SLC34A3: variants seen among roughly 807,000 people sequenced by gnomAD.
The protein encoded by SLC34A3 is sodium-dependent phosphate transport protein 2C.
A neutral mutation model predicts 43.9 loss-of-function variants in SLC34A3; 60 were observed. The ratio of observed to expected loss-of-function variants is 1.37; its 90% CI spans 1.11 to 1.70. The LOEUF is 1.70. Ranked by LOEUF, SLC34A3 falls within the 40% of genes most tolerant of loss-of-function variation. The probability of loss-of-function intolerance (pLI) is 0.00; values close to 1 mark genes in which losing one functional copy is unlikely to be tolerated. For missense variants in SLC34A3, 969 were observed against 823.8 expected, an observed-to-expected ratio of 1.18 and a Z score of -2.16; for synonymous variants, 451 against 386.2, an observed-to-expected ratio of 1.17 and a Z score of -1.97.
chr9:137,230,294 G>T (rs1336329775), upstream of SLC34A3, among the ~76,000 whole-genome samples: 1 of 152,154 alleles, frequency 6.6e-6, no homozygotes, highest in African/African-American at 2.4e-5. Flanking sequence ...GGAGGCTGCC[G>T]GCCGCCGTCG....
At chr9:137,231,871 T>C (rs1836239457) in intron 2 of SLC34A3, 84 bp downstream of exon 2, 3 of 1,329,554 alleles carry the variant, frequency 2.3e-6, no homozygotes, top group African/African-American at 2.9e-5. Flanking sequence ...CCAGGTTTCC[T>C]GCGGGCCTCC....
chr9:137,232,955 T>C (rs766019766), intron 5 of SLC34A3, 28 bp downstream of exon 5: 9 of 1,069,936 alleles, frequency 8.4e-6, no homozygotes, highest in Non-Finnish European at 1.2e-5. Flanking sequence ...CCCCGGGTGG[T>C]GGGGGGGGCA....
upstream of SLC34A3, among the ~76,000 whole-genome samples, chr9:137,229,882 C>T (rs549224915): frequency 1.5e-3 from 230 of 152,278 alleles, no homozygotes; most frequent in African/African-American, 5.3e-3. Context: ...CAGTTACCAC[C>T]AAGTCAGTGC....
Position 137,232,693 on chromosome 9 carries a change from G to A in SLC34A3, c.294G>A (p.Gln98=), listed in dbSNP as rs1231653029. 1 of 1,612,946 alleles carries A rather than the reference G, an allele frequency of 6.2e-7. No individual in the cohort carries two copies. Among genetic ancestry groups the A allele is most frequent in the Admixed American group, 1.7e-5 (1 of 60,034 alleles). The change falls in exon 4 of 13, where the codon CAG becomes CAA. Residue 98 remains glutamine (Q), a synonymous_variant. Coordinates refer to ENST00000673835, the MANE Select transcript of SLC34A3 (RefSeq NM_001177316.2). ...CSLDVLSSAF[Q]LLGSKVAGDI... is the part of the protein sequence containing the mutation. ...TGGACGTCCTCAGCTCCGCCTTCCA[G>A]CTGCTGGGCAGTGAGTGACGGGACG... is the stretch of plus-strand genomic sequence containing the variant.
At chr9:137,233,992 C>T in intron 9 of SLC34A3, 51 bp downstream of exon 9, 1 of 1,491,360 alleles carries the variant, frequency 6.7e-7, no homozygotes. Context: ...CTCCCCCTCA[C>T]CGGCCCCTAC....
chr9:137,230,777 C>A (rs1224842997), upstream of SLC34A3: 1 of 152,250 alleles, frequency 6.6e-6, no homozygotes, highest in Non-Finnish European at 1.5e-5. Flanking sequence ...GGCCTAGGGG[C>A]CTTGGGGCCA....
chr9:137,235,134 C>CA (rs879505734), intron 12 of SLC34A3, among the ~76,000 whole-genome samples: 7 of 152,154 alleles, frequency 4.6e-5, no homozygotes, highest in Admixed American at 4.6e-4. Flanking sequence ...GCCCCCATTC[C>CA]ACATCTGCAA....
At chr9:137,235,447 TCCCAGTGC>T (rs1836534097) in intron 12 of SLC34A3, among the ~76,000 whole-genome samples, 1 of 152,104 alleles carries the variant, frequency 6.6e-6, no homozygotes, top group East Asian at 1.9e-4. Flanking sequence ...ACTTAGACCC[TCCCAGTGC>T]AGGGTCCTGC....
At position 137,231,661 on chromosome 9, in the gene SLC34A3, C is replaced by G; in HGVS notation, c.-39-3C>G. The G allele has an allele frequency of 6.5e-7, 1 of 1,528,080 alleles. No homozygotes were observed. Among genetic ancestry groups the G allele is most frequent in the Non-Finnish European group, 9.1e-7 (1 of 1,103,288 alleles). The allele number at this position is 1,528,080 out of a possible 1,614,324, so 94.7% of individuals were successfully genotyped here. ...TCTCTGACACGCGCGTCCCCCCCAG[C>G]AGATCTAGACCTGGGCCTGGGTCTG... On this transcript the variant is annotated splice_polypyrimidine_tract_variant and splice_region_variant and intron_variant, in intron 1 of 12. Coordinates refer to ENST00000673835, the MANE Select transcript of SLC34A3 (RefSeq NM_001177316.2).
chr9:137,233,531 G>A (rs1013061260), intron 7 of SLC34A3, 102 bp from the exon 8 acceptor site: 32 of 1,542,050 alleles, frequency 2.1e-5, no homozygotes, highest in African/African-American at 2.7e-5. Flanking sequence ...GGGAGGAGAG[G>A]GCAGCAGTGG....
chr9:137,231,999 G>A (rs553217372), intron 2 of SLC34A3, 73 bp from the exon 3 acceptor site: 728 of 1,451,094 alleles, frequency 5.0e-4, no homozygotes, highest in Non-Finnish European at 6.3e-4. Flanking sequence ...CCCGTCCTCC[G>A]GCCTGTGCCC....
intron 1 of SLC34A3, among the ~76,000 whole-genome samples, chr9:137,231,460 G>A (rs966831246): frequency 1.3e-5 from 2 of 151,984 alleles, no homozygotes; most frequent in African/African-American, 2.4e-5. Flanking sequence ...ACTGGACTGG[G>A]CTCGCCTGAC....
At chr9:137,233,158 G>GGCCCCCC in intron 6 of SLC34A3, 43 bp downstream of exon 6, 1 of 972,822 alleles carries the variant, frequency 1.0e-6, no homozygotes, top group Non-Finnish European at 1.5e-6. Flanking sequence ...TGCAGTGGCA[G>GGCCCCCC]CCCCAGCCCG....
At chr9:137,233,779 T>TTGGGCGC in intron 8 of SLC34A3, 57 bp downstream of exon 8, 11 of 1,445,792 alleles carry the variant, frequency 7.6e-6, no homozygotes, top group South Asian at 1.2e-5. Context: ...TGCTGAGTCA[T>TTGGGCGC]CCCGCCCCAC....
In SLC34A3 at chr9:137,234,301, T is replaced by C; in HGVS notation, c.1093+25T>C. 2 of 1,607,730 alleles carry C rather than the reference T, an allele frequency of 1.2e-6. No individual in the cohort carries two copies. Among genetic ancestry groups the C allele is most frequent in the Non-Finnish European group, 1.7e-6 (2 of 1,179,126 alleles). On this transcript the variant is annotated intron_variant, in intron 10 of 12. Transcript: ENST00000673835. The surrounding 1 kb of genome is among the most constrained non-coding windows in gnomAD (Gnocchi z 6.9). ...GGTGAGGGCGTGGGAGGAGGTGCGG[T>C]GGCCAGGGCTGACCCAGCATCCCCC... is the stretch of plus-strand genomic sequence containing the variant.
At position 137,234,821 on chromosome 9, in the gene SLC34A3, C is replaced by G. The variant is rs1232118395; in HGVS notation, c.1335+90C>G. 2 of 1,579,328 alleles carry G rather than the reference C, an allele frequency of 1.3e-6. No individual in the cohort carries two copies. Among genetic ancestry groups the G allele is most frequent in the Admixed American group, 1.7e-5 (1 of 59,512 alleles). On this transcript the variant is annotated intron_variant, in intron 12 of 12. Transcript: ENST00000673835. This position sits in a 1 kb window ranked among gnomAD's most constrained non-coding sequence, Gnocchi z 6.9. ...GTGTCACCAGCCCCGGGGCCCTAGG[C>G]TGGCTGTGCCCCCGCCTTCCTGGAC...
At chr9:137,231,184 G>A in intron 1 of SLC34A3, 1 of 169,798 alleles carries the variant, frequency 5.9e-6, no homozygotes, top group Non-Finnish European at 1.3e-5. Context: ...TAAGGCAGCA[G>A]CTTCGGGGCC....
chr9:137,234,847 C>A lies in SLC34A3; in HGVS notation c.1335+116C>A, dbSNP rs954918482. On this transcript the variant is annotated intron_variant, in intron 12 of 12. Coordinates refer to ENST00000673835, the MANE Select transcript of SLC34A3 (RefSeq NM_001177316.2). This position sits in a 1 kb window ranked among gnomAD's most constrained non-coding sequence, Gnocchi z 6.9. The stretch of plus-strand genomic sequence containing the variant: ...TGGCTGTGCCCCCGCCTTCCTGGAC[C>A]CCTTCCCTGGCCGCCAGCCTCAGCC... 1.2e-4 allele frequency: 174 copies of A among 1,502,146 alleles called. No individual in the cohort carries two copies. The highest frequency in any genetic ancestry group is 1.5e-4 in the Non-Finnish European group (170 of 1,102,982). 93.1% of individuals were successfully genotyped at this position (1,502,146 alleles called of 1,614,324 possible).
At position 137,234,524 on chromosome 9, in the gene SLC34A3, C is replaced by T. The variant is rs761490521; in HGVS notation, c.1202C>T (p.Pro401Leu). ...AGCGTCTTCACGGCGGCCGTCGTGC[C>T]CCTCATGGGTGAGCAGGCAGGACAG... ...SSSVFTAAVVPLMGVGVISLD... is the reference protein window; with the variant it reads ...SSSVFTAAVVLLMGVGVISLD... Residue 401 changes from proline to leucine, a missense_variant, in exon 11 of 13, where the codon CCC (proline) becomes CTC (leucine). Coordinates refer to ENST00000673835, the MANE Select transcript of SLC34A3 (RefSeq NM_001177316.2). The surrounding 1 kb of genome is among the most constrained non-coding windows in gnomAD (Gnocchi z 6.9). 2 of 1,605,504 alleles carry T rather than the reference C, an allele frequency of 1.2e-6. No homozygotes were observed. Among genetic ancestry groups the T allele is most frequent in the Non-Finnish European group, 1.7e-6 (2 of 1,176,978 alleles).
Sources: allele counts gnomAD v4.1 joint callset (sites outside exome capture counted in the v4.1 genomes callset), GRCh38; gene constraint gnomAD v4.1.1; non-coding constraint Gnocchi (gnomAD v3.1); transcripts MANE v1.5; gene names NCBI Gene and HGNC (gene_info 2026-07-23, HGNC 2026-07-21).